ARK2C: variants seen among roughly 807,000 people sequenced by gnomAD.
ARK2C encodes E3 ubiquitin-protein ligase ARK2C.
chr18:46,432,600 G>C, the ARK2C span, among the ~76,000 whole-genome samples: 29 of 152,156 alleles, frequency 1.9e-4, no homozygotes, highest in Non-Finnish European at 3.5e-4. Context: ...CCAAGCTTTA[G>C]GAACCTTAAA....
At chr18:46,393,831 G>A in the ARK2C span, among the ~76,000 whole-genome samples, 1 of 152,228 alleles carries the variant, frequency 6.6e-6, no homozygotes, top group East Asian at 1.9e-4. Flanking sequence ...CTGGGCTCTG[G>A]AGTCTGACAG....
At chr18:46,396,356 G>A in the ARK2C span, among the ~76,000 whole-genome samples, 1,095 of 152,232 alleles carry the variant, frequency 7.2e-3, 12 homozygotes, top group African/African-American at 0.025. Context: ...GAAGCTCGTG[G>A]CCCATCAGTG....
chr18:46,429,657 A>G, the ARK2C span, among the ~76,000 whole-genome samples: 1 of 152,190 alleles, frequency 6.6e-6, no homozygotes, highest in Non-Finnish European at 1.5e-5. Flanking sequence ...TGGTCATAAT[A>G]ATTGCCTCAC....
At chr18:46,426,096 C>T in the ARK2C span, among the ~76,000 whole-genome samples, 7 of 152,264 alleles carry the variant, frequency 4.6e-5, no homozygotes, top group African/African-American at 9.6e-5. Flanking sequence ...ATCACCTTGG[C>T]GGTTAGGATT....
chr18:46,382,159 T>A, the ARK2C span, among the ~76,000 whole-genome samples: 1 of 152,184 alleles, frequency 6.6e-6, no homozygotes, highest in African/African-American at 2.4e-5. Context: ...AGGTCTGGTA[T>A]CTGAACACTT....
chr18:46,346,603 C>T, the ARK2C span, among the ~76,000 whole-genome samples: 2 of 152,192 alleles, frequency 1.3e-5, no homozygotes, highest in Non-Finnish European at 2.9e-5. Context: ...CTCTCTGAGC[C>T]TCAGTCTCTT....
chr18:46,454,365 C>T, the ARK2C span, among the ~76,000 whole-genome samples: 2 of 152,216 alleles, frequency 1.3e-5, no homozygotes, highest in East Asian at 3.9e-4. Context: ...CCAGCAAACA[C>T]AGCTGGACTC....
At chr18:46,361,457 T>C in the ARK2C span, among the ~76,000 whole-genome samples, 1 of 152,174 alleles carries the variant, frequency 6.6e-6, no homozygotes, top group Non-Finnish European at 1.5e-5. Flanking sequence ...AGGCACATGA[T>C]CCAGTGTCCA....
the ARK2C span, chr18:46,337,253 A>G: frequency 2.0e-6 from 2 of 985,456 alleles, no homozygotes; most frequent in Non-Finnish European, 2.4e-6. Context: ...GAATCCCAGC[A>G]AAATGGTTTT....
chr18:46,360,534 C>T, the ARK2C span, among the ~76,000 whole-genome samples: 1 of 152,242 alleles, frequency 6.6e-6, no homozygotes, highest in African/African-American at 2.4e-5. Context: ...TTCTGAAAGA[C>T]ATTTCCATGG....
the ARK2C span, among the ~76,000 whole-genome samples, chr18:46,423,723 C>A: frequency 3.3e-5 from 5 of 152,216 alleles, no homozygotes; most frequent in Non-Finnish European, 5.9e-5. Flanking sequence ...AGACATGCCA[C>A]CCCAGATTTC....
At chr18:46,359,264 C>T in the ARK2C span, among the ~76,000 whole-genome samples, 1 of 152,140 alleles carries the variant, frequency 6.6e-6, no homozygotes, top group Non-Finnish European at 1.5e-5. Context: ...GGGTTATGGT[C>T]TGTCTGCTGG....
chr18:46,425,064 C>T, the ARK2C span, among the ~76,000 whole-genome samples: 9 of 152,206 alleles, frequency 5.9e-5, no homozygotes, highest in African/African-American at 1.9e-4. Context: ...CTCGGGCCTT[C>T]CCCTCCTTTC....
chr18:46,337,221 AAAAAG>A, the ARK2C span: 3 of 985,410 alleles, frequency 3.0e-6, no homozygotes, highest in South Asian at 9.4e-5. Context: ...AAGAAAGAGA[AAAAAG>A]AAAAGAAAAG....
chr18:46,334,713 TGTGA>T, the ARK2C span: 760 of 98,268 alleles, frequency 7.7e-3, 2 homozygotes, highest in East Asian at 0.032. This position sits in a 1 kb window ranked among gnomAD's most constrained non-coding sequence, Gnocchi z 4.4. Context: ...TGTGTGTGTG[TGTGA>T]GAGAGAGAGA....
At chr18:46,394,339 G>C in the ARK2C span, among the ~76,000 whole-genome samples, 1 of 152,216 alleles carries the variant, frequency 6.6e-6, no homozygotes, top group Non-Finnish European at 1.5e-5. Flanking sequence ...AAGACAGAGA[G>C]AGCTCCCTCC....
chr18:46,402,209 C>T, the ARK2C span, among the ~76,000 whole-genome samples: 1 of 152,214 alleles, frequency 6.6e-6, no homozygotes, highest in Non-Finnish European at 1.5e-5. Context: ...TTGGTTAACT[C>T]TTCTTGCACA....
At chr18:46,353,672 G>C in the ARK2C span, among the ~76,000 whole-genome samples, 1 of 152,208 alleles carries the variant, frequency 6.6e-6, no homozygotes, top group East Asian at 1.9e-4. Flanking sequence ...GCATGCTGCT[G>C]GTAGGCAGGG....
At chr18:46,354,504 C>A in the ARK2C span, among the ~76,000 whole-genome samples, 2 of 152,210 alleles carry the variant, frequency 1.3e-5, no homozygotes, top group Non-Finnish European at 2.9e-5. Context: ...GTTCTCAGCT[C>A]CCTTAGAGGC....
Sources: gnomAD v4.1 joint callset for allele counts (sites outside exome capture counted in the v4.1 genomes callset) on GRCh38, gnomAD v4.1.1 for gene constraint, Gnocchi (gnomAD v3.1) non-coding constraint, MANE v1.5 for transcripts, NCBI Gene and HGNC (gene_info 2026-07-23, HGNC 2026-07-21) for gene names.